NRIP1: variants seen among roughly 807,000 people sequenced by gnomAD.
NRIP1 encodes nuclear receptor interacting protein 1, also known as nuclear receptor-interacting protein 1.
A neutral mutation model predicts 75.0 loss-of-function variants in NRIP1; 28 were observed. The observed-to-expected ratio is 0.37, with a 90% CI of 0.28 to 0.51. The LOEUF (loss-of-function observed/expected upper bound fraction) is 0.51. Among genes scored for constraint, NRIP1 ranks in the 20% least tolerant of loss-of-function variants. NRIP1 has a pLI of 0.92. For missense variants in NRIP1, 1,435 were observed against 1,343.7 expected, an observed-to-expected ratio of 1.07 and a Z score of -1.06; for synonymous variants, 526 against 487.6, an observed-to-expected ratio of 1.08 and a Z score of -1.04.
chr21:15,016,894 G>A (rs2088243861), intron 2 of NRIP1, among the ~76,000 whole-genome samples: 2 of 146,368 alleles, frequency 1.4e-5, no homozygotes, highest in Non-Finnish European at 1.5e-5. Flanking sequence ...AAGAAAGAAA[G>A]AAGGAAAGAA....
intron 3 of NRIP1, among the ~76,000 whole-genome samples, chr21:14,994,142 G>A (rs1242636863): frequency 3.3e-5 from 5 of 151,936 alleles, no homozygotes; most frequent in Admixed American, 6.6e-5. Flanking sequence ...GGGTGGGGGC[G>A]CAGACTGAGT....
intron 3 of NRIP1, among the ~76,000 whole-genome samples, chr21:14,975,108 G>C (rs939211258): frequency 1.3e-5 from 2 of 152,068 alleles, no homozygotes; most frequent in African/African-American, 4.8e-5. Flanking sequence ...GCAAGACCCT[G>C]TGGAAAGAAA....
intron 2 of NRIP1, among the ~76,000 whole-genome samples, chr21:15,037,442 G>A (rs2088861107): frequency 6.6e-6 from 1 of 152,130 alleles, no homozygotes; most frequent in Admixed American, 6.5e-5. Flanking sequence ...CAAGTTGAGT[G>A]CTTTGTAAGT....
chr21:15,056,727 A>T (rs2089316492), intron 1 of NRIP1, among the ~76,000 whole-genome samples: 1 of 152,188 alleles, frequency 6.6e-6, no homozygotes, highest in Non-Finnish European at 1.5e-5. Context: ...TCAAAATCCA[A>T]AGCACCCTAG....
intron 3 of NRIP1, among the ~76,000 whole-genome samples, chr21:14,970,560 A>G (rs559986588): frequency 6.6e-6 from 1 of 152,306 alleles, no homozygotes; most frequent in East Asian, 1.9e-4. Flanking sequence ...CAAACAAAAC[A>G]AAAATAACAA....
intron 2 of NRIP1, among the ~76,000 whole-genome samples, chr21:15,024,643 TAGAG>T (rs1358428397): frequency 1.3e-5 from 2 of 149,036 alleles, no homozygotes; most frequent in East Asian, 2.0e-4. Flanking sequence ...ATGGGCAAAA[TAGAG>T]AGGGGGTAGC....
intron 1 of NRIP1, among the ~76,000 whole-genome samples, chr21:15,044,581 T>A (rs930443531): frequency 6.6e-6 from 1 of 152,042 alleles, no homozygotes; most frequent in African/African-American, 2.4e-5. Flanking sequence ...GACTTATACT[T>A]CTAGAACTCT....
chr21:15,049,558 G>A (rs918254833), intron 1 of NRIP1, among the ~76,000 whole-genome samples: 21 of 152,108 alleles, frequency 1.4e-4, no homozygotes, highest in Admixed American at 6.5e-5. Context: ...CAAAAGAATA[G>A]GATTTAGGGT....
chr21:14,981,821 T>C (rs2087243441), intron 3 of NRIP1, among the ~76,000 whole-genome samples: 1 of 151,848 alleles, frequency 6.6e-6, no homozygotes, highest in Non-Finnish European at 1.5e-5. Context: ...ATATACTATA[T>C]TGATCTCTTC....
chr21:14,986,509 CATA>C (rs2087408863), intron 3 of NRIP1, among the ~76,000 whole-genome samples: 1 of 152,162 alleles, frequency 6.6e-6, no homozygotes, highest in Non-Finnish European at 1.5e-5. Context: ...CGCCTTATGG[CATA>C]ATATTAAACT....
At position 14,967,696 on chromosome 21, in the gene NRIP1, T is replaced by C. The variant is rs556700784; in HGVS notation, c.497A>G (p.His166Arg). The C allele has an allele frequency of 1.9e-6, 3 of 1,614,138 alleles. No homozygotes were observed. Among genetic ancestry groups the C allele is most frequent in the Admixed American group, 1.7e-5 (1 of 59,996 alleles). The change falls in exon 4 of 4, where the codon CAT becomes CGT. Residue 166 changes from histidine (H) to arginine (R), a missense_variant. His to Arg is a conservative substitution (Grantham distance 29, BLOSUM62 0). Coordinates refer to ENST00000318948, the MANE Select transcript of NRIP1 (RefSeq NM_003489.4). Reference sequence around the variant, plus strand: ...ATCCTTCTCCACTTTTAAAGAATCATGACTGAGGGCATATCCTTGCTCCTT... The same window carrying C: ...ATCCTTCTCCACTTTTAAAGAATCACGACTGAGGGCATATCCTTGCTCCTT... Reference protein sequence around the residue: ...SLKEQGYALSHDSLKVEKDLR... With the variant: ...SLKEQGYALSRDSLKVEKDLR...
intron 2 of NRIP1, among the ~76,000 whole-genome samples, chr21:15,034,907 TAC>T (rs1600905111): frequency 6.6e-6 from 1 of 152,300 alleles, no homozygotes; most frequent in East Asian, 1.9e-4. Flanking sequence ...TTTTGAAAAA[TAC>T]ATTAGAATTA....
At chr21:15,006,019 T>C (rs1055514079) in intron 3 of NRIP1, among the ~76,000 whole-genome samples, 1 of 151,654 alleles carries the variant, frequency 6.6e-6, no homozygotes, top group Non-Finnish European at 1.5e-5. Flanking sequence ...CTCTAGAATT[T>C]TCATTTTTAA....
chr21:15,035,620 G>A (rs529790237), intron 2 of NRIP1, among the ~76,000 whole-genome samples: 9 of 149,670 alleles, frequency 6.0e-5, no homozygotes, highest in South Asian at 4.2e-4. Flanking sequence ...GCAGTGGCGC[G>A]ATCTCGGCTC....
At chr21:15,040,765 G>C (rs2088934970) in intron 2 of NRIP1, among the ~76,000 whole-genome samples, 1 of 151,918 alleles carries the variant, frequency 6.6e-6, no homozygotes, top group African/African-American at 2.4e-5. Context: ...ATATTATAAT[G>C]GAATCAGAAA....
chr21:15,004,847 T>C (rs1010133918), intron 3 of NRIP1, among the ~76,000 whole-genome samples: 1 of 151,974 alleles, frequency 6.6e-6, no homozygotes, highest in Admixed American at 6.6e-5. Context: ...TGGATAAAAG[T>C]GAGGAAGAGA....
chr21:15,023,298 A>C (rs1475891523), intron 2 of NRIP1, among the ~76,000 whole-genome samples: 2 of 152,188 alleles, frequency 1.3e-5, no homozygotes, highest in Non-Finnish European at 2.9e-5. Context: ...CAGGGTAAAA[A>C]CCTAGATCTC....
At chr21:15,055,917 C>T (rs2089296181) in intron 1 of NRIP1, among the ~76,000 whole-genome samples, 1 of 151,550 alleles carries the variant, frequency 6.6e-6, no homozygotes, top group Non-Finnish European at 1.5e-5. Flanking sequence ...CCCATTGTAT[C>T]ACATGGATCC....
rs80255661 is a variant in NRIP1, at chr21:14,989,572, T to C, written c.-334-21046A>G. Among the ~76,000 whole-genome samples, 2,630 of 152,296 alleles carry C rather than the reference T, an allele frequency of 0.017. 246 individuals carry two copies. The East Asian group carries it at 0.28, about 16-fold the overall frequency. On this transcript the variant is annotated intron_variant, in intron 3 of 3. Coordinates refer to ENST00000318948, the MANE Select transcript of NRIP1 (RefSeq NM_003489.4). The stretch of plus-strand genomic sequence containing the variant: ...CACAGGAATGGGAAGGAAGCCAGCA[T>C]AGGCCATCTGGCTGAACATGTCCTT...
Sources: gnomAD v4.1 joint callset for allele counts (sites outside exome capture counted in the v4.1 genomes callset) on GRCh38, gnomAD v4.1.1 for gene constraint, MANE v1.5 for transcripts, NCBI Gene and HGNC (gene_info 2026-07-23, HGNC 2026-07-21) for gene names.